The following AIMP2 variants were observed in gnomAD, a reference collection of about 807,000 sequenced individuals.
AIMP2 encodes aminoacyl tRNA synthetase complex interacting multifunctional protein 2.
A neutral mutation model predicts 23.4 loss-of-function variants in AIMP2; 20 were observed. That is an observed-to-expected ratio of 0.85 (90% confidence interval 0.60 to 1.24). AIMP2 has a LOEUF of 1.24. AIMP2 is among the 50% of genes most tolerant of loss of function. The pLI, the probability that AIMP2 is intolerant of heterozygous loss-of-function variation, is 0.00. For missense variants in AIMP2, 515 were observed against 414.5 expected (o/e 1.24, Z -2.10); for synonymous variants, 210 against 170.4 (o/e 1.23, Z -1.81).
At chr7:6,015,405 G>T in intron 2 of AIMP2, 53 bp downstream of exon 2, 1 of 1,577,374 alleles carries the variant, frequency 6.3e-7, no homozygotes, top group South Asian at 1.1e-5. Context: ...GGTTAGTGCA[G>T]GGAAATTGTG....
Position 6,009,437 on chromosome 7 carries a change from A to C in AIMP2, c.74A>C (p.Tyr25Ser), listed in dbSNP as rs147658637. 6.2e-7 allele frequency: 1 copy of C among 1,611,018 alleles called. No individual in the cohort carries two copies. The highest frequency in any genetic ancestry group is 1.3e-5 in the African/African-American group (1 of 74,950). The change falls in exon 1 of 4, where the codon TAC becomes TCC. Residue 25 changes from tyrosine to serine, a missense_variant. Transcript: ENST00000223029. ...PLRVELPTCM[Y>S]RLPNVHGRSY... The stretch of plus-strand genomic sequence containing the variant: ...CGTGTGGAGCTTCCCACCTGCATGT[A>C]CCGGCTCCCCAACGTGCACGGCAGG...
At chr7:6,014,250 C>CTT (rs57008315) in intron 1 of AIMP2, among the ~76,000 whole-genome samples, 3,690 of 67,636 alleles carry the variant, frequency 0.055, 196 homozygotes, top group Middle Eastern at 0.11. Flanking sequence ...TTTGTTGAAG[C>CTT]TTTTTTTTTT....
chr7:6,015,381 A>C (rs1337333736), intron 2 of AIMP2, 29 bp downstream of exon 2: 13 of 1,607,578 alleles, frequency 8.1e-6, no homozygotes, highest in Non-Finnish European at 1.1e-5. Context: ...CTGAAACGTT[A>C]GTAGGTACTG....
At chr7:6,012,630 T>C in intron 1 of AIMP2, 2 of 295,304 alleles carry the variant, frequency 6.8e-6, no homozygotes, top group South Asian at 5.0e-5. Flanking sequence ...CAATCTCAGC[T>C]CACTGCAGCC....
Position 6,023,350 on chromosome 7 carries a change from G to C in AIMP2, c.622G>C (p.Glu208Gln). 1 of 1,611,378 alleles carries C rather than the reference G, an allele frequency of 6.2e-7. No individual in the cohort carries two copies. The highest frequency in any genetic ancestry group is 8.5e-7 in the Non-Finnish European group (1 of 1,179,222). ...CAGCATCCAGACGATGTGCCCCATC[G>C]AAGGCGAAGGGAACATTGCACGTTT... Reference protein sequence around the residue: ...KFSIQTMCPIEGEGNIARFLF... With the variant: ...KFSIQTMCPIQGEGNIARFLF... The change falls in exon 4 of 4, where the codon GAA becomes CAA. Residue 208 changes from glutamate to glutamine, a missense_variant. Transcript: ENST00000223029.
chr7:6,016,776 C>T (rs1787054548), intron 2 of AIMP2: 1 of 152,188 alleles, frequency 6.6e-6, no homozygotes, highest in South Asian at 2.1e-4. Flanking sequence ...AGGCGGGGTA[C>T]AGAAAGCCAA....
intron 1 of AIMP2, among the ~76,000 whole-genome samples, chr7:6,009,911 T>G (rs575736980): frequency 7.6e-6 from 1 of 130,836 alleles, no homozygotes; most frequent in African/African-American, 2.9e-5. Flanking sequence ...ATCGAGCCAT[T>G]GCACTCGAGC....
rs146016964 is a variant in AIMP2, at chr7:6,013,096, C to T, written c.136-2050C>T. On this transcript the variant is annotated intron_variant, in intron 1 of 3. Coordinates refer to ENST00000223029, the MANE Select transcript of AIMP2 (RefSeq NM_006303.4). ...CCAGGGTGGTGGTTTAGGAACTCCTCGGACAGTGTGGCTAGAGCACAGGCA... is the reference window on the plus strand; with the variant it reads ...CCAGGGTGGTGGTTTAGGAACTCCTTGGACAGTGTGGCTAGAGCACAGGCA... 1.7e-3 allele frequency: 919 copies of T among 541,492 alleles called. 3 individuals carry two copies. The highest frequency in any genetic ancestry group is 2.0e-3 in the Non-Finnish European group (868 of 424,298). 33.5% of individuals were successfully genotyped at this position (541,492 alleles called of 1,614,324 possible).
Position 6,013,050 on chromosome 7 carries a change from T to G in AIMP2, c.136-2096T>G, listed in dbSNP as rs1055472661. The stretch of plus-strand genomic sequence containing the variant: ...TGATGCAGATGGAGGGAACAGCACA[T>G]GTGAAGATCTGTGGTCAGAGCCAGG... On this transcript the variant is annotated intron_variant, in intron 1 of 3. Coordinates refer to ENST00000223029, the MANE Select transcript of AIMP2 (RefSeq NM_006303.4). 28 of 833,276 alleles carry G rather than the reference T, an allele frequency of 3.4e-5. No homozygotes were observed. In the African/African-American group the frequency reaches 5.2e-4, roughly 15 times the overall value. The allele number at this position is 833,276 out of a possible 1,614,324, so 51.6% of individuals were successfully genotyped here.
intron 3 of AIMP2, among the ~76,000 whole-genome samples, chr7:6,020,836 C>T (rs532513087): frequency 2.5e-4 from 38 of 152,154 alleles, no homozygotes; most frequent in Non-Finnish European, 5.1e-4. Flanking sequence ...ATTGAAGGCA[C>T]GCAGGGCTAA....
intron 3 of AIMP2, among the ~76,000 whole-genome samples, chr7:6,020,082 A>G (rs962906664): frequency 6.6e-6 from 1 of 151,928 alleles, no homozygotes; most frequent in Admixed American, 6.6e-5. Flanking sequence ...AGGAGGTGCA[A>G]AAACCTTGCA....
At chr7:6,019,228 G>T (rs374586588) in intron 3 of AIMP2, among the ~76,000 whole-genome samples, 1 of 151,738 alleles carries the variant, frequency 6.6e-6, no homozygotes, top group African/African-American at 2.4e-5. Flanking sequence ...GCAGTCAAAA[G>T]TGACCTCTTG....
At chr7:6,011,216 G>A (rs551297280) in intron 1 of AIMP2, among the ~76,000 whole-genome samples, 1 of 152,114 alleles carries the variant, frequency 6.6e-6, no homozygotes, top group South Asian at 2.1e-4. Context: ...TCAGCGGCCC[G>A]CCTGGCTTTC....
Position 6,009,335 on chromosome 7 carries a change from G to A in AIMP2, c.-29G>A, listed in dbSNP as rs768571855. ...GTTTCTGAGCGTTGGCCTTTGGCACGCGCTACCCCCTTTTGCTTTGGTTCT... is the reference window on the plus strand; with the variant it reads ...GTTTCTGAGCGTTGGCCTTTGGCACACGCTACCCCCTTTTGCTTTGGTTCT... On this transcript the variant is annotated 5_prime_UTR_variant, in exon 1 of 4. Coordinates refer to ENST00000223029, the MANE Select transcript of AIMP2 (RefSeq NM_006303.4). 2.5e-6 allele frequency: 4 copies of A among 1,611,684 alleles called. No homozygotes were observed. The East Asian group carries it at 8.9e-5, about 36-fold the overall frequency.
chr7:6,009,635 C>T, intron 1 of AIMP2, 137 bp downstream of exon 1: 4 of 729,200 alleles, frequency 5.5e-6, no homozygotes, highest in Non-Finnish European at 7.7e-6. Flanking sequence ...GCCAGGGACT[C>T]ACTCAGACTT....
At chr7:6,009,974 A>AAAAAAAACAT in intron 1 of AIMP2, among the ~76,000 whole-genome samples, 1 of 26,662 alleles carries the variant, frequency 3.8e-5, no homozygotes, top group African/African-American at 1.4e-4. Flanking sequence ...AAAAAAAAAA[A>AAAAAAAACAT]ATATATATAT....
At chr7:6,018,663 A>C (rs1296222018) in intron 3 of AIMP2, among the ~76,000 whole-genome samples, 1 of 151,554 alleles carries the variant, frequency 6.6e-6, no homozygotes, top group African/African-American at 2.4e-5. Context: ...GTGAAACCCC[A>C]TCTCTACTAA....
chr7:6,013,836 A>T (rs369607157), intron 1 of AIMP2, among the ~76,000 whole-genome samples: 2 of 152,204 alleles, frequency 1.3e-5, no homozygotes, highest in African/African-American at 4.8e-5. Flanking sequence ...TTGTAGTCCC[A>T]GGCACTCAGG....
chr7:6,013,330 C>T (rs1183450523), intron 1 of AIMP2, among the ~76,000 whole-genome samples: 1 of 141,064 alleles, frequency 7.1e-6, no homozygotes, highest in Non-Finnish European at 1.5e-5. Context: ...GGTGTGATCT[C>T]TGCTCACTGC....
Sources: allele counts gnomAD v4.1 joint callset (sites outside exome capture counted in the v4.1 genomes callset), GRCh38; gene constraint gnomAD v4.1.1; transcripts MANE v1.5; gene names NCBI Gene and HGNC (gene_info 2026-07-23, HGNC 2026-07-21).